Variants in VAV3 observed in about 807,000 individuals in gnomAD.
VAV3 encodes the protein guanine nucleotide exchange factor VAV3.
A neutral mutation model predicts 131.2 loss-of-function variants in VAV3; 94 were observed. The observed-to-expected ratio is 0.72, with a 90% CI of 0.61 to 0.85. The LOEUF is 0.85. VAV3 is among the 40% of genes least tolerant of loss of function. The probability of loss-of-function intolerance (pLI) is 0.00; values close to 1 mark genes in which losing one functional copy is unlikely to be tolerated. For synonymous variants in VAV3, 349 were observed against 342.0 expected (o/e 1.02, Z -0.22); for missense variants, 939 against 1,002.7 (o/e 0.94, Z 0.86).
At chr1:107,758,309 C>T (rs1039465691) in intron 10 of VAV3, among the ~76,000 whole-genome samples, 3 of 152,142 alleles carry the variant, frequency 2.0e-5, no homozygotes, top group Non-Finnish European at 4.4e-5. Flanking sequence ...GTGACTCACA[C>T]CTGTAATCCC....
intron 25 of VAV3, among the ~76,000 whole-genome samples, chr1:107,582,959 C>G (rs549919029): frequency 6.6e-5 from 10 of 152,154 alleles, no homozygotes; most frequent in African/African-American, 2.2e-4. Context: ...AATGGTATTT[C>G]TAGTTCTAGA....
At chr1:107,957,956 A>G (rs534846708) in intron 1 of VAV3, among the ~76,000 whole-genome samples, 3 of 151,886 alleles carry the variant, frequency 2.0e-5, no homozygotes, top group Non-Finnish European at 4.4e-5. Context: ...AGAGGGTTTC[A>G]GTACTTCAGT....
chr1:107,677,757 T>G (rs990018283), intron 19 of VAV3: 3 of 152,214 alleles, frequency 2.0e-5, no homozygotes, highest in Admixed American at 6.5e-5. Context: ...AGTAGTCATA[T>G]TACTGATGTA....
At chr1:107,776,649 T>G (rs1665374078) in intron 4 of VAV3, among the ~76,000 whole-genome samples, 1 of 152,238 alleles carries the variant, frequency 6.6e-6, no homozygotes, top group Non-Finnish European at 1.5e-5. Flanking sequence ...TATGATTCTT[T>G]GCAAACATGC....
At chr1:107,744,463 G>A (rs190505692) in intron 15 of VAV3, among the ~76,000 whole-genome samples, 57 of 152,282 alleles carry the variant, frequency 3.7e-4, no homozygotes, top group African/African-American at 9.6e-4. Context: ...TTCTAGGCAA[G>A]AGGACCTTTC....
At chr1:107,633,396 C>CGTAT (rs1654653927) in intron 20 of VAV3, among the ~76,000 whole-genome samples, 2 of 152,152 alleles carry the variant, frequency 1.3e-5, no homozygotes, top group South Asian at 4.1e-4. Context: ...GCCACTTATA[C>CGTAT]GCACCAAGAT....
intron 17 of VAV3, among the ~76,000 whole-genome samples, chr1:107,697,002 A>C (rs1009156726): frequency 1.3e-5 from 2 of 152,180 alleles, no homozygotes; most frequent in Non-Finnish European, 2.9e-5. Flanking sequence ...GCTGAGAAGC[A>C]GCTCATAAAG....
intron 19 of VAV3, among the ~76,000 whole-genome samples, chr1:107,668,479 G>T (rs1657564841): frequency 6.6e-6 from 1 of 152,150 alleles, no homozygotes; most frequent in African/African-American, 2.4e-5. Context: ...TAAAAATAAA[G>T]CATGTAAAAC....
At chr1:107,594,588 CT>C (rs941703990) in intron 25 of VAV3, among the ~76,000 whole-genome samples, 2 of 151,724 alleles carry the variant, frequency 1.3e-5, no homozygotes, top group African/African-American at 4.8e-5. Flanking sequence ...ACTGGCTATG[CT>C]TTTTTTTAAG....
chr1:107,802,204 T>A (rs1666859628), intron 2 of VAV3, among the ~76,000 whole-genome samples: 2 of 152,136 alleles, frequency 1.3e-5, no homozygotes. Flanking sequence ...GTTGGTTTTG[T>A]ATGCTGCAAC....
chr1:107,875,238 A>C (rs745489291), intron 1 of VAV3, among the ~76,000 whole-genome samples: 1 of 152,218 alleles, frequency 6.6e-6, no homozygotes, highest in Non-Finnish European at 1.5e-5. Context: ...CATGAAACTT[A>C]CATTCTAATA....
chr1:107,942,892 A>T (rs963584271), intron 1 of VAV3, among the ~76,000 whole-genome samples: 14 of 152,208 alleles, frequency 9.2e-5, no homozygotes, highest in Non-Finnish European at 1.9e-4. Flanking sequence ...CATCTTTTAC[A>T]GCTACAGTTC....
At chr1:107,640,036 C>T (rs1289830204) in intron 20 of VAV3, among the ~76,000 whole-genome samples, 2 of 151,890 alleles carry the variant, frequency 1.3e-5, no homozygotes, top group African/African-American at 4.8e-5. Flanking sequence ...ATGGTATAGG[C>T]ACTTTGAGTA....
At chr1:107,842,757 A>T (rs1462539501) in intron 2 of VAV3, among the ~76,000 whole-genome samples, 1 of 151,922 alleles carries the variant, frequency 6.6e-6, no homozygotes, top group Non-Finnish European at 1.5e-5. Flanking sequence ...TATCATATGT[A>T]GGATATTTTG....
At chr1:107,662,701 C>T (rs944328219) in intron 19 of VAV3, among the ~76,000 whole-genome samples, 6 of 152,146 alleles carry the variant, frequency 3.9e-5, no homozygotes, top group East Asian at 1.9e-4. Flanking sequence ...GAAAGCTCTG[C>T]GAGGTACCAT....
chr1:107,573,000 A>G lies in VAV3; in HGVS notation c.*331T>C, dbSNP rs1266156824. On this transcript the variant is annotated 3_prime_UTR_variant, in exon 27 of 27. Transcript: ENST00000370056. ...TAAGATTTACTGATGACTGGCATTCATGGTATCTGACCAGAAGAAGTAAAG... is the reference window on the plus strand; with the variant it reads ...TAAGATTTACTGATGACTGGCATTCGTGGTATCTGACCAGAAGAAGTAAAG... The G allele has an allele frequency of 6.5e-6, 2 of 309,842 alleles. No individual in the cohort carries two copies. The highest frequency in any genetic ancestry group is 1.2e-5 in the Non-Finnish European group (2 of 170,352). 19.2% of individuals were successfully genotyped at this position (309,842 alleles called of 1,614,324 possible). A position where few individuals can be genotyped will look rare whatever the true frequency, so the allele number is the denominator to read the frequency against.
chr1:107,787,975 C>G (rs1340201003), intron 2 of VAV3, among the ~76,000 whole-genome samples: 2 of 152,074 alleles, frequency 1.3e-5, no homozygotes, highest in Non-Finnish European at 2.9e-5. Context: ...CTCTCCTTCA[C>G]CTGGCCAGAC....
At chr1:107,728,612 T>TGTATAC (rs1557798930) in intron 15 of VAV3, among the ~76,000 whole-genome samples, 2 of 90,564 alleles carry the variant, frequency 2.2e-5, no homozygotes, top group Admixed American at 1.4e-4. Context: ...TATATGTATA[T>TGTATAC]GTATATGTAT....
chr1:107,878,672 C>T (rs1307378648), intron 1 of VAV3, among the ~76,000 whole-genome samples: 1 of 152,126 alleles, frequency 6.6e-6, no homozygotes, highest in East Asian at 1.9e-4. Flanking sequence ...TCAGAAGACA[C>T]AAAATGTTAG....
Sources: gnomAD v4.1 joint callset for allele counts (sites outside exome capture counted in the v4.1 genomes callset) on GRCh38, gnomAD v4.1.1 for gene constraint, MANE v1.5 for transcripts, NCBI Gene and HGNC (gene_info 2026-07-23, HGNC 2026-07-21) for gene names.